Variants in PIK3C2G observed in about 807,000 individuals in gnomAD.
The protein encoded by PIK3C2G is phosphatidylinositol-4-phosphate 3-kinase catalytic subunit type 2 gamma.
A neutral mutation model predicts 181.1 loss-of-function variants in PIK3C2G; 168 were observed. The ratio of observed to expected loss-of-function variants is 0.93; its 90% CI spans 0.82 to 1.05. The LOEUF (loss-of-function observed/expected upper bound fraction) is 1.05. PIK3C2G is among the 50% of genes least tolerant of loss of function. The pLI is 0.00. For missense variants in PIK3C2G, 1,869 were observed against 1,732.8 expected, an observed-to-expected ratio of 1.08 and a Z score of -1.40; for synonymous variants, 573 against 592.2, an observed-to-expected ratio of 0.97 and a Z score of 0.47.
At chr12:18,263,352 T>C (rs1948333742) in intron 1 of PIK3C2G, among the ~76,000 whole-genome samples, 1 of 152,134 alleles carries the variant, frequency 6.6e-6, no homozygotes, top group South Asian at 2.1e-4. Flanking sequence ...TAGCCAAATA[T>C]ATGATCATTT....
chr12:18,275,097 C>G (rs1056574614), intron 1 of PIK3C2G, among the ~76,000 whole-genome samples: 3 of 152,158 alleles, frequency 2.0e-5, no homozygotes, highest in Non-Finnish European at 4.4e-5. Context: ...GGGGTCATGA[C>G]AGTTTGAGAA....
chr12:18,288,904 T>G (rs557559286), intron 3 of PIK3C2G, among the ~76,000 whole-genome samples: 25 of 152,190 alleles, frequency 1.6e-4, no homozygotes, highest in Admixed American at 2.0e-4. Flanking sequence ...TATAGTGCAT[T>G]TTCCAAGCTC....
At chr12:18,255,240 T>TAAAC (rs1948133861) in intron 1 of PIK3C2G, among the ~76,000 whole-genome samples, 1 of 148,020 alleles carries the variant, frequency 6.8e-6, no homozygotes, top group East Asian at 2.0e-4. Flanking sequence ...AATAAATAAA[T>TAAAC]AAATAAATAA....
At chr12:18,267,408 C>T (rs1948549461) in intron 1 of PIK3C2G, among the ~76,000 whole-genome samples, 2 of 152,014 alleles carry the variant, frequency 1.3e-5, no homozygotes, top group South Asian at 2.1e-4. Flanking sequence ...ATAATTACTT[C>T]GTTATACATA....
intron 24 of PIK3C2G, among the ~76,000 whole-genome samples, chr12:18,516,928 A>T (rs1942588650): frequency 6.6e-6 from 1 of 151,646 alleles, no homozygotes; most frequent in African/African-American, 2.4e-5. Context: ...TAAGAAGATT[A>T]TTCTGAATTC....
rs182731161 is a variant in PIK3C2G at position 18,292,319 on chromosome 12, A to G, written c.919+1307A>G. ...ACAATTAGGAATATATGAAAAACAC[A>G]AATAATCAAGCAGCCCAGAATTCCT... On this transcript the variant is annotated intron_variant, in intron 4 of 32. Coordinates refer to ENST00000538779, the MANE Select transcript of PIK3C2G (RefSeq NM_001288772.2). Among the ~76,000 whole-genome samples, 236 of 149,870 alleles carry G rather than the reference A, an allele frequency of 1.6e-3. 1 individual carries two copies. Among genetic ancestry groups the G allele is most frequent in the African/African-American group, 5.5e-3 (222 of 40,686 alleles).
At chr12:18,286,366 G>A (rs1274698970) in intron 2 of PIK3C2G, among the ~76,000 whole-genome samples, 2 of 151,978 alleles carry the variant, frequency 1.3e-5, no homozygotes, top group African/African-American at 4.8e-5. Flanking sequence ...ATAGGAAGAT[G>A]ACTAAACGAA....
intron 1 of PIK3C2G, among the ~76,000 whole-genome samples, chr12:18,274,451 C>T (rs192473847): frequency 2.0e-5 from 3 of 152,308 alleles, no homozygotes; most frequent in Admixed American, 1.3e-4. Context: ...GGCACATATA[C>T]ACCATGGAAT....
intron 13 of PIK3C2G, among the ~76,000 whole-genome samples, chr12:18,380,537 C>A (rs1198368456): frequency 1.3e-5 from 2 of 152,154 alleles, no homozygotes; most frequent in Non-Finnish European, 2.9e-5. Context: ...ATTTTCTAAT[C>A]TTTACCTCTA....
intron 9 of PIK3C2G, 116 bp from the exon 10 acceptor site, chr12:18,343,211 T>C: frequency 1.6e-6 from 1 of 623,914 alleles, no homozygotes; most frequent in Non-Finnish European, 2.9e-6. Context: ...CCAAGAAATA[T>C]TTTGTTGTTT....
chr12:18,462,604 A>C (rs748501638), intron 18 of PIK3C2G, among the ~76,000 whole-genome samples: 1 of 152,168 alleles, frequency 6.6e-6, no homozygotes, highest in Non-Finnish European at 1.5e-5. Flanking sequence ...GCCAGTGCCC[A>C]TGGGAAAGCT....
At chr12:18,386,399 T>A (rs138097088) in intron 14 of PIK3C2G, among the ~76,000 whole-genome samples, 1 of 152,312 alleles carries the variant, frequency 6.6e-6, no homozygotes, top group Non-Finnish European at 1.5e-5. Context: ...TCAGATCATT[T>A]CCATCACATC....
the PIK3C2G span, among the ~76,000 whole-genome samples, chr12:18,653,559 C>A: frequency 6.6e-6 from 1 of 152,114 alleles, no homozygotes; most frequent in African/African-American, 2.4e-5. Context: ...GTTACCTAAA[C>A]TTCACCAAAT....
At chr12:18,285,376 A>C (rs560340003) in intron 2 of PIK3C2G, 36 of 152,258 alleles carry the variant, frequency 2.4e-4, no homozygotes, top group African/African-American at 8.7e-4. Flanking sequence ...TACTTCTGGT[A>C]CAAGGAAAAT....
chr12:18,619,348 A>G (rs1281574051), intron 31 of PIK3C2G, among the ~76,000 whole-genome samples: 1 of 152,080 alleles, frequency 6.6e-6, no homozygotes. Context: ...AAAGAAATAC[A>G]TATTCTAATA....
chr12:18,367,207 A>T (rs1383519429), intron 12 of PIK3C2G, among the ~76,000 whole-genome samples: 1 of 152,228 alleles, frequency 6.6e-6, no homozygotes, highest in Non-Finnish European at 1.5e-5. Context: ...AAAGAACATT[A>T]AAGAAATTGC....
At chr12:18,709,781 C>A in the PIK3C2G span, among the ~76,000 whole-genome samples, 8 of 152,064 alleles carry the variant, frequency 5.3e-5, no homozygotes, top group African/African-American at 1.9e-4. Context: ...TATTTTATAT[C>A]TTCTGATTCA....
rs1423482661 is a variant in PIK3C2G, at chr12:18,469,189, C to A, written c.2505-19260C>A. On this transcript the variant is annotated intron_variant, in intron 18 of 32. Coordinates refer to ENST00000538779, the MANE Select transcript of PIK3C2G (RefSeq NM_001288772.2). Reference sequence around the variant, plus strand: ...TTGCTTCCTACGTCAGTGTGACTGGCAGCTCCTCTGTCACCCTCAATCTCT... The same window carrying A: ...TTGCTTCCTACGTCAGTGTGACTGGAAGCTCCTCTGTCACCCTCAATCTCT... Among the ~76,000 whole-genome samples, 4 of 152,064 alleles carry A rather than the reference C, an allele frequency of 2.6e-5. No homozygotes were observed. The East Asian group carries it at 5.8e-4, about 22-fold the overall frequency.
intron 31 of PIK3C2G, among the ~76,000 whole-genome samples, chr12:18,621,736 T>G (rs1948873750): frequency 6.6e-6 from 1 of 151,898 alleles, no homozygotes; most frequent in Admixed American, 6.6e-5. Context: ...TTAAACTTAT[T>G]TTTAGAAAAT....
Sources: gnomAD v4.1 joint callset for allele counts (sites outside exome capture counted in the v4.1 genomes callset) on GRCh38, gnomAD v4.1.1 for gene constraint, MANE v1.5 for transcripts, NCBI Gene and HGNC (gene_info 2026-07-23, HGNC 2026-07-21) for gene names.